LIMD1: variants seen among roughly 807,000 people sequenced by gnomAD.
The protein encoded by LIMD1 is LIM domain containing 1, also known as LIM domain-containing protein 1.
Under a neutral mutation model 58.4 loss-of-function variants are expected in LIMD1, and 23 were observed. The observed-to-expected ratio is 0.39, with a 90% CI of 0.28 to 0.56. The LOEUF is 0.56. Ranked by LOEUF, LIMD1 falls within the 20% of genes least tolerant of loss-of-function variation. The pLI is 0.57. For synonymous variants in LIMD1, 334 were observed against 345.5 expected, an observed-to-expected ratio of 0.97 and a Z score of 0.37; for missense variants, 838 against 855.5, an observed-to-expected ratio of 0.98 and a Z score of 0.25.
chr3:45,662,802 G>A (rs1188763143), intron 2 of LIMD1, among the ~76,000 whole-genome samples: 1 of 152,120 alleles, frequency 6.6e-6, no homozygotes, highest in Non-Finnish European at 1.5e-5. Flanking sequence ...TTCGAGACCA[G>A]CCTGGCCACC....
At chr3:45,626,515 A>C (rs1465615545) in intron 1 of LIMD1, among the ~76,000 whole-genome samples, 1 of 152,246 alleles carries the variant, frequency 6.6e-6, no homozygotes, top group African/African-American at 2.4e-5. Flanking sequence ...CCAAAGATAC[A>C]ACATTCTGGA....
In LIMD1 at chr3:45,677,346, A is replaced by G. The variant is rs1697685114; in HGVS notation, c.*287A>G. On this transcript the variant is annotated 3_prime_UTR_variant, in exon 8 of 8. Coordinates refer to ENST00000273317, the MANE Select transcript of LIMD1 (RefSeq NM_014240.3). ...TGACCTGAGGTTGCATCATAGCACC[A>G]AAGGAATCCTCCTGTCCCCTCTGGG... 1 of 341,198 alleles carries G rather than the reference A, an allele frequency of 2.9e-6. No individual in the cohort carries two copies. Among genetic ancestry groups the G allele is most frequent in the South Asian group, 3.7e-5 (1 of 27,268 alleles). 21.1% of individuals were successfully genotyped at this position (341,198 alleles called of 1,614,324 possible).
At chr3:45,608,826 C>T (rs6771135) in intron 1 of LIMD1, among the ~76,000 whole-genome samples, 2 of 126,390 alleles carry the variant, frequency 1.6e-5, no homozygotes, top group African/African-American at 6.3e-5. Context: ...GGCAACAGAG[C>T]GAGACTCGGT....
intron 1 of LIMD1, among the ~76,000 whole-genome samples, chr3:45,620,406 A>G (rs181508858): frequency 3.3e-5 from 5 of 152,354 alleles, no homozygotes; most frequent in Non-Finnish European, 7.3e-5. Context: ...TTTTGTACAG[A>G]GGATTCCATT....
rs574246122 is a variant in LIMD1 at position 45,643,791 on chromosome 3, G to A, written c.1510+7540G>A. 1.2e-4 allele frequency among the ~76,000 whole-genome samples: 19 copies of A among 152,342 alleles called. No homozygotes were observed. The South Asian group carries it at 3.7e-3, about 30-fold the overall frequency. On this transcript the variant is annotated intron_variant, in intron 2 of 7. Coordinates refer to ENST00000273317, the MANE Select transcript of LIMD1 (RefSeq NM_014240.3). ...GAAATTACGCCTAGTGCAGGTCCGA[G>A]CTCAGTGGAAGGCTGCAGAGGGCCA...
chr3:45,606,759 G>A (rs1701471417), intron 1 of LIMD1, among the ~76,000 whole-genome samples: 1 of 152,198 alleles, frequency 6.6e-6, no homozygotes, highest in African/African-American at 2.4e-5. Context: ...GCAACCCCAG[G>A]CTGTGTGCAG....
At chr3:45,612,125 C>T (rs1017662676) in intron 1 of LIMD1, among the ~76,000 whole-genome samples, 1 of 150,692 alleles carries the variant, frequency 6.6e-6, no homozygotes, top group Non-Finnish European at 1.5e-5. Flanking sequence ...TCACTCTGTA[C>T]CCAGGTTAGA....
intron 1 of LIMD1, among the ~76,000 whole-genome samples, chr3:45,624,163 C>A (rs1021993247): frequency 6.6e-6 from 1 of 152,188 alleles, no homozygotes; most frequent in Non-Finnish European, 1.5e-5. Flanking sequence ...ATGTTCCAGG[C>A]TGATCTTTCT....
chr3:45,603,429 C>G (rs1701435752), intron 1 of LIMD1, among the ~76,000 whole-genome samples: 1 of 151,916 alleles, frequency 6.6e-6, no homozygotes, highest in African/African-American at 2.4e-5. Flanking sequence ...CTGTGTGCCT[C>G]TGTCTGAGTG....
chr3:45,649,853 T>TG (rs1701949222), intron 2 of LIMD1, among the ~76,000 whole-genome samples: 1 of 146,532 alleles, frequency 6.8e-6, no homozygotes, highest in African/African-American at 2.5e-5. Context: ...TTTTTGTTTT[T>TG]TTTTTTTTTA....
At chr3:45,669,443 CAT>C (rs1419142338) in intron 4 of LIMD1, among the ~76,000 whole-genome samples, 4 of 152,064 alleles carry the variant, frequency 2.6e-5, no homozygotes, top group Non-Finnish European at 4.4e-5. Flanking sequence ...AGAAATAACT[CAT>C]AGAGTAAAAG....
intron 2 of LIMD1, among the ~76,000 whole-genome samples, chr3:45,657,198 C>G (rs530668179): frequency 1.3e-5 from 2 of 152,242 alleles, no homozygotes; most frequent in African/African-American, 4.8e-5. Flanking sequence ...CTCAGCAACC[C>G]CCTTTCTCCA....
At position 45,595,832 on chromosome 3, in the gene LIMD1, T is replaced by C. The variant is rs1328413884; in HGVS notation, c.953T>C (p.Leu318Pro). Reference protein sequence around the residue: ...QGGLPRSNSGLGGEVSGVMSK... With the variant: ...QGGLPRSNSGPGGEVSGVMSK... ...GGTCTTCCAAGATCAAACTCGGGGC[T>C]GGGGGGTGAGGTTTCAGGTGTGATG... is the stretch of plus-strand genomic sequence containing the variant. The change falls in exon 1 of 8, where the codon CTG becomes CCG. Residue 318 changes from leucine to proline, a missense_variant. By Grantham distance (98) the Leu-to-Pro change is moderately conservative (BLOSUM62 -3). Coordinates refer to ENST00000273317, the MANE Select transcript of LIMD1 (RefSeq NM_014240.3). The C allele has an allele frequency of 6.2e-7, 1 of 1,614,178 alleles. No homozygotes were observed. The highest frequency in any genetic ancestry group is 1.1e-5 in the South Asian group (1 of 91,088).
intron 1 of LIMD1, among the ~76,000 whole-genome samples, chr3:45,599,086 A>G (rs1381048830): frequency 3.3e-5 from 5 of 152,148 alleles, no homozygotes; most frequent in African/African-American, 1.2e-4. Flanking sequence ...TCTAACCAGC[A>G]TTGCCAAACA....
intron 1 of LIMD1, among the ~76,000 whole-genome samples, chr3:45,607,641 A>T (rs1255336249): frequency 6.6e-6 from 1 of 151,832 alleles, no homozygotes; most frequent in African/African-American, 2.4e-5. Flanking sequence ...TTCTGGAAGG[A>T]TAGTGACTGA....
rs562032025 is a variant in LIMD1 at position 45,664,807 on chromosome 3, TG to T, written c.1511-841del. 2.0e-4 allele frequency among the ~76,000 whole-genome samples: 30 copies of T among 152,350 alleles called. No individual in the cohort carries two copies. In the South Asian group the frequency reaches 6.2e-3, roughly 32 times the overall value. ...ATGATTTTACTTTCATTTTGTGGGC[TG>T]GCCCCAAAGGGCTTGGTTTAACTTT... is the stretch of plus-strand genomic sequence containing the variant. On this transcript the variant is annotated intron_variant, in intron 2 of 7. Transcript: ENST00000273317.
intron 2 of LIMD1, among the ~76,000 whole-genome samples, chr3:45,655,522 G>A (rs1017427901): frequency 6.6e-5 from 10 of 152,186 alleles, no homozygotes; most frequent in Non-Finnish European, 1.5e-4. Context: ...CCAGTTCAGA[G>A]ACAAGCCTGA....
At chr3:45,654,180 A>G (rs923613961) in intron 2 of LIMD1, among the ~76,000 whole-genome samples, 1 of 152,248 alleles carries the variant, frequency 6.6e-6, no homozygotes, top group South Asian at 2.1e-4. Context: ...TAACTGGGAC[A>G]GTACAATCAA....
chr3:45,604,878 T>C (rs1169285646), intron 1 of LIMD1, among the ~76,000 whole-genome samples: 1 of 152,242 alleles, frequency 6.6e-6, no homozygotes, highest in African/African-American at 2.4e-5. Context: ...GGAAAGAATG[T>C]CTTGTTTCTT....
Sources: allele counts gnomAD v4.1 joint callset (sites outside exome capture counted in the v4.1 genomes callset), GRCh38; gene constraint gnomAD v4.1.1; transcripts MANE v1.5; gene names NCBI Gene and HGNC (gene_info 2026-07-23, HGNC 2026-07-21).